The following MYO10 variants were observed in gnomAD, a reference collection of about 807,000 sequenced individuals.
MYO10 encodes unconventional myosin-X.
A neutral mutation model predicts 257.3 loss-of-function variants in MYO10; 133 were observed. That is an observed-to-expected ratio of 0.52 (90% CI 0.45 to 0.60). The LOEUF is 0.60. Among genes scored for constraint, MYO10 ranks in the 20% least tolerant of loss-of-function variants. The pLI is 0.00. For missense variants in MYO10, 2,399 were observed against 2,635.7 expected, an observed-to-expected ratio of 0.91 and a Z score of 1.97; for synonymous variants, 1,104 against 1,028.6, an observed-to-expected ratio of 1.07 and a Z score of -1.40.
At chr5:16,702,878 C>T (rs1317283857) in intron 23 of MYO10, 47 bp downstream of exon 23, 15 of 1,500,776 alleles carry the variant, frequency 1.0e-5, no homozygotes, top group Non-Finnish European at 1.4e-5. Context: ...GAGCACAGCA[C>T]TCAAAATGTA....
At chr5:16,804,843 G>A (rs1742225176) in intron 3 of MYO10, among the ~76,000 whole-genome samples, 1 of 152,060 alleles carries the variant, frequency 6.6e-6, no homozygotes, top group Non-Finnish European at 1.5e-5. Context: ...TGAGCCTGGG[G>A]AGGTCAAGGC....
At chr5:16,899,393 G>A (rs1415662208) in intron 1 of MYO10, among the ~76,000 whole-genome samples, 3 of 151,882 alleles carry the variant, frequency 2.0e-5, no homozygotes, top group African/African-American at 4.8e-5. Context: ...CCGGCACTTC[G>A]GGAGGTGGAG....
At chr5:16,714,804 CAG>C (rs1162733664) in intron 19 of MYO10, among the ~76,000 whole-genome samples, 1 of 152,118 alleles carries the variant, frequency 6.6e-6, no homozygotes, top group Admixed American at 6.6e-5. Flanking sequence ...GCCTGGGCGA[CAG>C]AGCGAGAAAA....
intron 19 of MYO10, among the ~76,000 whole-genome samples, chr5:16,752,352 G>A (rs891550118): frequency 3.9e-5 from 6 of 151,926 alleles, no homozygotes; most frequent in Admixed American, 3.9e-4. Flanking sequence ...GCGTGATCTC[G>A]GCTCACTGCA....
At chr5:16,865,114 A>G (rs940141720) in intron 2 of MYO10, among the ~76,000 whole-genome samples, 1 of 152,220 alleles carries the variant, frequency 6.6e-6, no homozygotes, top group Non-Finnish European at 1.5e-5. Context: ...TTTTGATTGA[A>G]GTGAATTCCA....
intron 1 of MYO10, among the ~76,000 whole-genome samples, chr5:16,898,256 A>T (rs1000986904): frequency 1.2e-4 from 4 of 32,246 alleles, no homozygotes; most frequent in East Asian, 8.6e-4. Flanking sequence ...TAATCACATT[A>T]AAAAAAACTA....
At chr5:16,897,996 T>G (rs1297397910) in intron 1 of MYO10, among the ~76,000 whole-genome samples, 1 of 152,222 alleles carries the variant, frequency 6.6e-6, no homozygotes, top group Non-Finnish European at 1.5e-5. Flanking sequence ...AGAGCTGGTC[T>G]GCAGGCCTGC....
At chr5:16,779,424 G>C in intron 9 of MYO10, 121 bp downstream of exon 9, 1 of 592,886 alleles carries the variant, frequency 1.7e-6, no homozygotes, top group Non-Finnish European at 2.9e-6. Context: ...CTCACCCACT[G>C]GTCCAAATGG....
intron 9 of MYO10, among the ~76,000 whole-genome samples, chr5:16,771,407 T>C (rs1324536380): frequency 2.0e-5 from 3 of 151,738 alleles, no homozygotes; most frequent in Non-Finnish European, 4.4e-5. Flanking sequence ...ATATAATATG[T>C]ATATAATACT....
At chr5:16,669,214 T>G (rs1271831075) in intron 39 of MYO10, among the ~76,000 whole-genome samples, 4 of 48,638 alleles carry the variant, frequency 8.2e-5, no homozygotes, top group Non-Finnish European at 1.5e-4. Context: ...CCAGTAGCTT[T>G]CTTTTTTCTT....
chr5:16,693,803 G>C (rs774021823), intron 27 of MYO10, among the ~76,000 whole-genome samples: 2 of 152,120 alleles, frequency 1.3e-5, no homozygotes, highest in Non-Finnish European at 2.9e-5. Flanking sequence ...AAAATAATAG[G>C]CCCTCAATAG....
At chr5:16,834,804 T>G (rs1743262806) in intron 2 of MYO10, among the ~76,000 whole-genome samples, 1 of 152,234 alleles carries the variant, frequency 6.6e-6, no homozygotes, top group African/African-American at 2.4e-5. Flanking sequence ...ATCAATGGAA[T>G]GAGTCCTAGC....
At chr5:16,920,357 C>T (rs1184301828) in intron 1 of MYO10, among the ~76,000 whole-genome samples, 1 of 152,146 alleles carries the variant, frequency 6.6e-6, no homozygotes, top group Non-Finnish European at 1.5e-5. Flanking sequence ...GGAACAAAAC[C>T]GGCACGTGTA....
chr5:16,891,591 T>C (rs757082903), intron 1 of MYO10, among the ~76,000 whole-genome samples: 3 of 152,154 alleles, frequency 2.0e-5, no homozygotes, highest in Non-Finnish European at 4.4e-5. Flanking sequence ...TAAAAACCAC[T>C]GAATTATATA....
chr5:16,696,364 T>C (rs1737745535), intron 26 of MYO10, among the ~76,000 whole-genome samples: 1 of 152,198 alleles, frequency 6.6e-6, no homozygotes, highest in African/African-American at 2.4e-5. Context: ...ATTTTCTTTT[T>C]CATTCATTCG....
rs1397737076 is a variant in MYO10, at chr5:16,663,327, TG to T, written c.*3364del. ...AAAAAAGTAACATTTTACTTCTAGT[TG>T]TTTTTTTTTTTTTTTTTTTTTTTTT... On this transcript the variant is annotated 3_prime_UTR_variant, in exon 41 of 41. Coordinates refer to ENST00000513610, the MANE Select transcript of MYO10 (RefSeq NM_012334.3). 1.6e-4 allele frequency: 17 copies of T among 108,170 alleles called. No individual in the cohort carries two copies. Among genetic ancestry groups the T allele is most frequent in the East Asian group, 2.9e-4 (1 of 3,444 alleles). 6.7% of individuals were successfully genotyped at this position (108,170 alleles called of 1,614,324 possible).
chr5:16,807,816 C>G (rs918216494), intron 3 of MYO10, among the ~76,000 whole-genome samples: 5 of 152,104 alleles, frequency 3.3e-5, no homozygotes, highest in Non-Finnish European at 7.3e-5. Context: ...CCCTCTCATC[C>G]CCTCCTCATT....
intron 2 of MYO10, among the ~76,000 whole-genome samples, chr5:16,829,464 G>A (rs1337907773): frequency 2.6e-5 from 4 of 152,074 alleles, no homozygotes; most frequent in African/African-American, 7.2e-5. Context: ...AGGAGCAATC[G>A]CCACAAACAC....
At chr5:16,821,443 C>T (rs994965981) in intron 2 of MYO10, among the ~76,000 whole-genome samples, 1,080 of 70,252 alleles carry the variant, frequency 0.015, 6 homozygotes, top group Non-Finnish European at 0.018. Flanking sequence ...CTCCTATTTT[C>T]TTTTTTTTTT....
Sources: gnomAD v4.1 joint callset for allele counts (sites outside exome capture counted in the v4.1 genomes callset) on GRCh38, gnomAD v4.1.1 for gene constraint, MANE v1.5 for transcripts, NCBI Gene and HGNC (gene_info 2026-07-23, HGNC 2026-07-21) for gene names.